Variants in PALD1 observed in about 807,000 individuals in gnomAD.
The protein encoded by PALD1 is phosphatase domain containing paladin 1, also known as paladin.
Under a neutral mutation model 96.0 loss-of-function variants are expected in PALD1, and 57 were observed. That is an observed-to-expected ratio of 0.59 (90% CI 0.48 to 0.74). The LOEUF (loss-of-function observed/expected upper bound fraction) is 0.74. Among genes scored for constraint, PALD1 ranks in the 30% least tolerant of loss-of-function variants. The pLI is 0.00. For synonymous variants in PALD1, 464 were observed against 473.6 expected (o/e 0.98, Z 0.26); for missense variants, 1,063 against 1,143.7 (o/e 0.93, Z 1.02).
chr10:70,523,495 T>A (rs1370176578), intron 1 of PALD1, among the ~76,000 whole-genome samples: 1 of 152,140 alleles, frequency 6.6e-6, no homozygotes, highest in Non-Finnish European at 1.5e-5. Flanking sequence ...CTGCCAGGGC[T>A]GGTGAGGTGG....
upstream of PALD1, among the ~76,000 whole-genome samples, chr10:70,477,006 T>A (rs1845836034): frequency 6.8e-6 from 1 of 147,100 alleles, no homozygotes; most frequent in Admixed American, 7.0e-5. Flanking sequence ...TATACATATA[T>A]GTGCATGTAT....
intron 2 of PALD1, 113 bp from the exon 3 acceptor site, chr10:70,529,116 C>G: frequency 3.2e-6 from 2 of 622,196 alleles, no homozygotes; most frequent in South Asian, 3.7e-5. Flanking sequence ...GTCTCTGCCA[C>G]AAATCGTAGC....
At chr10:70,480,990 G>A (rs1052241621) in intron 1 of PALD1, among the ~76,000 whole-genome samples, 2 of 152,220 alleles carry the variant, frequency 1.3e-5, no homozygotes, top group African/African-American at 4.8e-5. Context: ...ACCCATCAGC[G>A]TGGGCCACGT....
At chr10:70,497,016 A>G (rs1846205451) in intron 1 of PALD1, among the ~76,000 whole-genome samples, 1 of 98,492 alleles carries the variant, frequency 1.0e-5, no homozygotes, top group Non-Finnish European at 2.8e-5. Flanking sequence ...CCATATTTCC[A>G]AGTCTCGTTT....
intron 16 of PALD1, 25 bp downstream of exon 16, chr10:70,541,267 T>G: frequency 1.3e-6 from 2 of 1,588,616 alleles, no homozygotes; most frequent in Non-Finnish European, 1.7e-6. Context: ...TCAAGTGAGA[T>G]TAGAGATTTG....
chr10:70,492,230 A>T (rs1405005005), intron 1 of PALD1, among the ~76,000 whole-genome samples: 4 of 152,104 alleles, frequency 2.6e-5, no homozygotes, highest in African/African-American at 9.7e-5. Flanking sequence ...AAAAATCATT[A>T]AGTCATATAC....
At chr10:70,502,693 C>A (rs1301594281) in intron 1 of PALD1, among the ~76,000 whole-genome samples, 1 of 152,108 alleles carries the variant, frequency 6.6e-6, no homozygotes, top group African/African-American at 2.4e-5. Context: ...TGGTTCCATT[C>A]ATCTAAAAAG....
At chr10:70,543,998 C>T (rs1471735068) in intron 17 of PALD1, among the ~76,000 whole-genome samples, 1 of 152,062 alleles carries the variant, frequency 6.6e-6, no homozygotes, top group African/African-American at 2.4e-5. Flanking sequence ...CTGAAGACAC[C>T]CCTGTACACC....
chr10:70,473,221 C>T, the PALD1 span, among the ~76,000 whole-genome samples: 1 of 152,228 alleles, frequency 6.6e-6, no homozygotes, highest in African/African-American at 2.4e-5. Context: ...CCCCAGCACC[C>T]TGGCCCCACC....
At chr10:70,510,464 C>A (rs1007504957) in intron 1 of PALD1, among the ~76,000 whole-genome samples, 20 of 152,206 alleles carry the variant, frequency 1.3e-4, no homozygotes, top group African/African-American at 4.8e-4. Context: ...TAACCCTATT[C>A]TCCCTGGGCC....
At chr10:70,530,623 C>T (rs1846972548) in intron 4 of PALD1, among the ~76,000 whole-genome samples, 1 of 152,058 alleles carries the variant, frequency 6.6e-6, no homozygotes, top group African/African-American at 2.4e-5. Flanking sequence ...TTTTGCGTGT[C>T]CCTAGGACAC....
chr10:70,460,347 C>G, the PALD1 span, among the ~76,000 whole-genome samples: 3 of 152,296 alleles, frequency 2.0e-5, no homozygotes, highest in South Asian at 6.2e-4. Flanking sequence ...CAGACCAGTC[C>G]TCAGAACTCT....
intron 1 of PALD1, among the ~76,000 whole-genome samples, chr10:70,509,042 G>T (rs1489370525): frequency 6.6e-6 from 1 of 152,174 alleles, no homozygotes; most frequent in African/African-American, 2.4e-5. Context: ...CTGGCCACTC[G>T]GCCCTCTGCC....
intron 18 of PALD1, among the ~76,000 whole-genome samples, chr10:70,553,910 C>T (rs1847535428): frequency 6.6e-6 from 1 of 152,244 alleles, no homozygotes; most frequent in African/African-American, 2.4e-5. Flanking sequence ...GTTGTGGGTG[C>T]AGCTGGGAGG....
the PALD1 span, among the ~76,000 whole-genome samples, chr10:70,460,925 T>A: frequency 0.041 from 6,312 of 152,196 alleles, 456 homozygotes; most frequent in African/African-American, 0.15. Context: ...CGTGGTGGCA[T>A]GCGCCTGTAA....
chr10:70,540,071 ATTATG>A lies in PALD1; in HGVS notation c.1908+312_1908+316del. On this transcript the variant is annotated intron_variant, in intron 15 of 19. Coordinates refer to ENST00000263563, the MANE Select transcript of PALD1 (RefSeq NM_014431.3). The surrounding 1 kb of genome is among the most constrained non-coding windows in gnomAD (Gnocchi z 4.2). ...TTATAAGATGTGTGTACATGTGTTTATTATGTTGTAGGGTGTATGTGTGTGTATTG... is the reference window on the plus strand; with the variant it reads ...TTATAAGATGTGTGTACATGTGTTTATTGTAGGGTGTATGTGTGTGTATTG... 6.6e-6 allele frequency among the ~76,000 whole-genome samples: 1 copy of A among 151,652 alleles called. No individual in the cohort carries two copies. Among genetic ancestry groups the A allele is most frequent in the East Asian group, 1.9e-4 (1 of 5,158 alleles).
At chr10:70,504,657 C>T (rs180821464) in intron 1 of PALD1, among the ~76,000 whole-genome samples, 13 of 152,244 alleles carry the variant, frequency 8.5e-5, no homozygotes, top group Non-Finnish European at 1.8e-4. Flanking sequence ...GAATAGGAAG[C>T]GTGGCATTGC....
chr10:70,463,087 C>T, the PALD1 span, among the ~76,000 whole-genome samples: 27 of 152,150 alleles, frequency 1.8e-4, no homozygotes, highest in Non-Finnish European at 2.9e-4. Flanking sequence ...AGGTCTCTCT[C>T]GAATGTTTGT....
intron 1 of PALD1, among the ~76,000 whole-genome samples, chr10:70,488,400 C>T (rs1254591994): frequency 1.3e-5 from 2 of 152,078 alleles, no homozygotes; most frequent in Non-Finnish European, 2.9e-5. Context: ...GGATTACAGG[C>T]GTAAGCCACC....
Sources: gnomAD v4.1 joint callset for allele counts (sites outside exome capture counted in the v4.1 genomes callset) on GRCh38, gnomAD v4.1.1 for gene constraint, Gnocchi (gnomAD v3.1) non-coding constraint, MANE v1.5 for transcripts, NCBI Gene and HGNC (gene_info 2026-07-23, HGNC 2026-07-21) for gene names.